Variants in PTPRD observed in about 807,000 individuals in gnomAD.
The protein encoded by PTPRD is protein tyrosine phosphatase receptor type D.
In PTPRD, 34 loss-of-function variants were observed where a neutral mutation model predicts 214.5. The ratio of observed to expected loss-of-function variants is 0.16; its 90% CI spans 0.12 to 0.21. The LOEUF (loss-of-function observed/expected upper bound fraction) is 0.21. Among genes scored for constraint, PTPRD ranks in the 10% least tolerant of loss-of-function variants. PTPRD has a pLI of 1.00. For synonymous variants in PTPRD, 1,128 were observed against 845.7 expected (o/e 1.33, Z -5.79); for missense variants, 2,545 against 2,398.7 (o/e 1.06, Z -1.27).
At chr9:9,122,764 A>G (rs905007489) in intron 10 of PTPRD, among the ~76,000 whole-genome samples, 2 of 152,130 alleles carry the variant, frequency 1.3e-5, no homozygotes, top group African/African-American at 4.8e-5. Flanking sequence ...ACTCTCATCT[A>G]ATGTTTATGC....
At chr9:8,764,976 A>C (rs778489856) in intron 11 of PTPRD, among the ~76,000 whole-genome samples, 39 of 152,086 alleles carry the variant, frequency 2.6e-4, no homozygotes, top group Non-Finnish European at 4.3e-4. Flanking sequence ...TCTCCTGTTT[A>C]TTAGCCAGAC....
chr9:8,504,379 T>G lies in PTPRD; in HGVS notation c.1704A>C (p.Thr568=), dbSNP rs748243616. Residue 568 remains threonine (T), a synonymous_variant, in exon 23 of 46, where the codon ACA becomes ACC. Coordinates refer to ENST00000381196, the MANE Select transcript of PTPRD (RefSeq NM_002839.4). The part of the protein sequence containing the change: ...EEQRITIEPG[T]SYRLQGLKPN... ...GTTTCAGTCCTTGCAGCCTATATGA[T>G]GTCCCTGGCTCAATGGTAATTCGTT... 6.2e-7 allele frequency: 1 copy of G among 1,614,172 alleles called. No homozygotes were observed. The highest frequency in any genetic ancestry group is 1.3e-5 in the African/African-American group (1 of 75,052).
At chr9:8,576,631 C>CAAAAAAAA (rs71317371) in intron 14 of PTPRD, among the ~76,000 whole-genome samples, 3 of 115,988 alleles carry the variant, frequency 2.6e-5, no homozygotes, top group Non-Finnish European at 3.6e-5. Flanking sequence ...GCTAATGCAG[C>CAAAAAAAA]AAAAAAAAAA....
chr9:8,494,112 A>T (rs142763992), intron 26 of PTPRD, among the ~76,000 whole-genome samples: 2,879 of 152,236 alleles, frequency 0.019, 54 homozygotes, highest in Non-Finnish European at 0.03. Flanking sequence ...ATTTAGGAAA[A>T]TGCACAATGT....
intron 11 of PTPRD, among the ~76,000 whole-genome samples, chr9:8,929,424 T>G (rs7046043): frequency 0.13 from 19,409 of 152,052 alleles, 1,736 homozygotes; most frequent in East Asian, 0.44. Context: ...ATCAAAGGCC[T>G]TTTCTGCATC....
At chr9:9,467,836 T>G (rs2094321317) in intron 8 of PTPRD, among the ~76,000 whole-genome samples, 1 of 152,140 alleles carries the variant, frequency 6.6e-6, no homozygotes, top group Non-Finnish European at 1.5e-5. Flanking sequence ...ATCAAACCAC[T>G]TAATTTTCTG....
chr9:10,114,628 T>C (rs1167257952), intron 3 of PTPRD, among the ~76,000 whole-genome samples: 1 of 152,088 alleles, frequency 6.6e-6, no homozygotes, highest in Non-Finnish European at 1.5e-5. Flanking sequence ...ATATGTATGT[T>C]TGCAGATATG....
At chr9:10,420,229 C>A (rs920584802) in intron 2 of PTPRD, among the ~76,000 whole-genome samples, 1 of 151,786 alleles carries the variant, frequency 6.6e-6, no homozygotes, top group Non-Finnish European at 1.5e-5. Flanking sequence ...ATAATAATTT[C>A]TATCAGGAAT....
At chr9:10,593,160 T>C (rs1591627064) in intron 2 of PTPRD, among the ~76,000 whole-genome samples, 1 of 151,876 alleles carries the variant, frequency 6.6e-6, no homozygotes, top group East Asian at 1.9e-4. Context: ...AAGAAGAACA[T>C]AGAGTTGTAT....
intron 5 of PTPRD, among the ~76,000 whole-genome samples, chr9:9,894,322 C>T (rs10122065): frequency 0.025 from 3,789 of 152,094 alleles, 177 homozygotes; most frequent in African/African-American, 0.087. Flanking sequence ...ACCTTTTCAC[C>T]TGTGCATTAA....
At chr9:8,974,087 A>G (rs1046053016) in intron 11 of PTPRD, among the ~76,000 whole-genome samples, 5 of 151,962 alleles carry the variant, frequency 3.3e-5, no homozygotes, top group Admixed American at 3.3e-4. Flanking sequence ...TTTTGTTGCA[A>G]TTACTTTTGG....
chr9:9,217,740 A>T (rs925711541), intron 9 of PTPRD, among the ~76,000 whole-genome samples: 1 of 152,038 alleles, frequency 6.6e-6, no homozygotes, highest in Non-Finnish European at 1.5e-5. Context: ...CCTTGGATCC[A>T]TTTCTACTCT....
chr9:8,595,494 T>C (rs752152100), intron 14 of PTPRD, among the ~76,000 whole-genome samples: 28 of 152,112 alleles, frequency 1.8e-4, no homozygotes, highest in Non-Finnish European at 2.6e-4. Flanking sequence ...AGAAAAACAA[T>C]GTACACACAT....
chr9:9,107,775 A>G (rs1005137027), intron 10 of PTPRD, among the ~76,000 whole-genome samples: 3 of 152,188 alleles, frequency 2.0e-5, no homozygotes, highest in Non-Finnish European at 4.4e-5. Flanking sequence ...TTTATGATAT[A>G]CACTTAACTA....
intron 2 of PTPRD, among the ~76,000 whole-genome samples, chr9:10,451,310 C>G (rs1198572916): frequency 6.6e-6 from 1 of 151,846 alleles, no homozygotes; most frequent in Non-Finnish European, 1.5e-5. Context: ...CCTTATTTCA[C>G]TAGAGAATTA....
intron 5 of PTPRD, among the ~76,000 whole-genome samples, chr9:9,854,967 C>T (rs1354411618): frequency 6.6e-6 from 1 of 152,040 alleles, no homozygotes; most frequent in Non-Finnish European, 1.5e-5. Flanking sequence ...ATGGAAGAAA[C>T]ATGATACATT....
chr9:9,178,125 T>C (rs1230954993), intron 10 of PTPRD, among the ~76,000 whole-genome samples: 1 of 152,030 alleles, frequency 6.6e-6, no homozygotes, highest in African/African-American at 2.4e-5. Context: ...TTCTTGTAAA[T>C]ACAGCTACTC....
chr9:9,951,855 C>T (rs911930369), intron 4 of PTPRD, among the ~76,000 whole-genome samples: 6 of 152,140 alleles, frequency 3.9e-5, no homozygotes, highest in South Asian at 2.1e-4. Flanking sequence ...ACTAAGGTGG[C>T]GGAGCAATGT....
At chr9:9,169,237 A>G (rs576034297) in intron 10 of PTPRD, among the ~76,000 whole-genome samples, 3 of 152,194 alleles carry the variant, frequency 2.0e-5, no homozygotes, top group Admixed American at 2.0e-4. Flanking sequence ...ATATAATTCA[A>G]AAACCACCAC....
Sources: gnomAD v4.1 joint callset for allele counts (sites outside exome capture counted in the v4.1 genomes callset) on GRCh38, gnomAD v4.1.1 for gene constraint, MANE v1.5 for transcripts, NCBI Gene and HGNC (gene_info 2026-07-23, HGNC 2026-07-21) for gene names.